The following SLC22A24 variants were observed in gnomAD, a reference collection of about 807,000 sequenced individuals.
SLC22A24 encodes the protein steroid transmembrane transporter SLC22A24.
SLC22A24 carries 53 observed loss-of-function variants against 49.8 expected under a neutral mutation model. The observed-to-expected ratio is 1.06, with a 90% CI of 0.85 to 1.34. The LOEUF (loss-of-function observed/expected upper bound fraction) is 1.34. Among genes scored for constraint, SLC22A24 ranks in the 40% most tolerant of loss-of-function variants. The pLI is 0.00. For synonymous variants in SLC22A24, 302 were observed against 256.4 expected, an observed-to-expected ratio of 1.18 and a Z score of -1.70; for missense variants, 786 against 675.9, an observed-to-expected ratio of 1.16 and a Z score of -1.81.
At chr11:63,133,333 A>C (rs1374567821) in intron 2 of SLC22A24, among the ~76,000 whole-genome samples, 2 of 152,210 alleles carry the variant, frequency 1.3e-5, no homozygotes, top group African/African-American at 4.8e-5. Context: ...CTGTCCAACC[A>C]GTCCCAATGA....
At chr11:63,126,176 T>A (rs2087289277) in intron 2 of SLC22A24, among the ~76,000 whole-genome samples, 1 of 152,228 alleles carries the variant, frequency 6.6e-6, no homozygotes, top group South Asian at 2.1e-4. Flanking sequence ...AGATCCCATT[T>A]GTCTATTTTG....
At chr11:63,088,996 C>T (rs1267217955) in intron 6 of SLC22A24, among the ~76,000 whole-genome samples, 1 of 152,144 alleles carries the variant, frequency 6.6e-6, no homozygotes, top group Non-Finnish European at 1.5e-5. Flanking sequence ...CTGGAAAACA[C>T]ACTTCAGGAT....
intron 8 of SLC22A24, 48 bp downstream of exon 8, chr11:63,081,510 A>G: frequency 7.7e-7 from 1 of 1,296,260 alleles, no homozygotes; most frequent in African/African-American, 1.5e-5. Flanking sequence ...AATATCAATA[A>G]ATTCAGAAAT....
At chr11:63,116,950 T>C (rs760280515) in intron 4 of SLC22A24, among the ~76,000 whole-genome samples, 10 of 135,632 alleles carry the variant, frequency 7.4e-5, no homozygotes, top group Non-Finnish European at 1.4e-4. Flanking sequence ...TCAATGATGT[T>C]TTCTATTTGG....
intron 4 of SLC22A24, among the ~76,000 whole-genome samples, chr11:63,114,085 A>C (rs1433206881): frequency 6.6e-6 from 1 of 151,848 alleles, no homozygotes; most frequent in African/African-American, 2.4e-5. Context: ...TGTTCTCTGT[A>C]TTTCCTGAAT....
At chr11:63,119,902 G>T (rs185104276) in intron 2 of SLC22A24, among the ~76,000 whole-genome samples, 1 of 151,944 alleles carries the variant, frequency 6.6e-6, no homozygotes, top group Non-Finnish European at 1.5e-5. Context: ...TGTGTTTTTT[G>T]GCTGCATAAA....
intron 2 of SLC22A24, 49 bp from the exon 3 acceptor site, chr11:63,119,384 G>A (rs866744042): frequency 4.1e-6 from 6 of 1,451,406 alleles, no homozygotes; most frequent in Middle Eastern, 1.8e-4. Flanking sequence ...AAAATAACAC[G>A]TGGAAAACTT....
intron 6 of SLC22A24, among the ~76,000 whole-genome samples, chr11:63,089,961 G>A (rs922528339): frequency 8.0e-5 from 12 of 150,626 alleles, no homozygotes; most frequent in African/African-American, 2.7e-4. Context: ...GGCGCCTGTC[G>A]TCCCAGCTAC....
At position 63,143,596 on chromosome 11, in the gene SLC22A24, T is replaced by C; in HGVS notation, c.184A>G (p.Asn62Asp). The C allele has an allele frequency of 6.3e-7, 1 of 1,575,000 alleles. No individual in the cohort carries two copies. The highest frequency in any genetic ancestry group is 8.6e-7 in the Non-Finnish European group (1 of 1,161,854). Residue 62 changes from asparagine to aspartate, a missense_variant, in exon 1 of 10, where the codon AAT (asparagine) becomes GAT (aspartate). Physicochemically the swap from Asn to Asp is conservative, Grantham distance 23 (BLOSUM62 1). Coordinates refer to ENST00000612278, the MANE Select transcript of SLC22A24 (RefSeq NM_001136506.2). ...PLLDNDTVSD[N>D]DTGTLSKDDL... The stretch of plus-strand genomic sequence containing the variant: ...TCCTTGCTGAGGGTCCCGGTATCAT[T>C]GTCAGACACAGTGTCATTGTCCAGG...
At chr11:63,134,105 T>C (rs576597597) in intron 2 of SLC22A24, among the ~76,000 whole-genome samples, 32 of 152,232 alleles carry the variant, frequency 2.1e-4, no homozygotes, top group Non-Finnish European at 4.6e-4. Context: ...GTGCAATGTC[T>C]TCCTATCCTG....
chr11:63,110,973 T>C (rs2087159064), intron 4 of SLC22A24, among the ~76,000 whole-genome samples: 1 of 152,086 alleles, frequency 6.6e-6, no homozygotes, highest in Non-Finnish European at 1.5e-5. Flanking sequence ...CAGTATGATA[T>C]TGGCTGTGGG....
In SLC22A24 at chr11:63,099,371, A is replaced by ATTTTTTTTTTTTTTTTTTTTTTTTTTTTT. The variant is rs56708217; in HGVS notation, c.955-3294_955-3266dup. Among the ~76,000 whole-genome samples the ATTTTTTTTTTTTTTTTTTTTTTTTTTTTT allele has an allele frequency of 9.6e-5, 5 of 52,336 alleles. 2 individuals carry two copies. The highest frequency in any genetic ancestry group is 1.5e-4 in the African/African-American group (2 of 13,518). 34.3% of individuals were successfully genotyped at this position (52,336 alleles called of 152,430 possible). ...CCACCACACCTGGCTAATTTTTAAG[A>ATTTTTTTTTTTTTTTTTTTTTTTTTTTTT]TTTTTTTTTTTTTTTTTTTTTTTTT... On this transcript the variant is annotated intron_variant, in intron 5 of 9. Coordinates refer to ENST00000612278, the MANE Select transcript of SLC22A24 (RefSeq NM_001136506.2).
chr11:63,118,689 T>C, intron 4 of SLC22A24: 1 of 536,274 alleles, frequency 1.9e-6, no homozygotes. Flanking sequence ...AAAAATAATT[T>C]CATGATAATT....
At chr11:63,139,219 G>A (rs893856287) in intron 1 of SLC22A24, among the ~76,000 whole-genome samples, 2 of 151,842 alleles carry the variant, frequency 1.3e-5, no homozygotes, top group African/African-American at 2.4e-5. Flanking sequence ...CACACGAGGG[G>A]CCCTAAGATA....
intron 9 of SLC22A24, among the ~76,000 whole-genome samples, chr11:63,080,709 T>C (rs551728297): frequency 6.6e-6 from 1 of 152,300 alleles, no homozygotes; most frequent in East Asian, 1.9e-4. Context: ...TGTGAAATGG[T>C]CTGTGTGACA....
In SLC22A24 at chr11:63,133,060, C is replaced by A. The variant is rs554526691; in HGVS notation, c.506+1605G>T. On this transcript the variant is annotated intron_variant, in intron 2 of 9. Coordinates refer to ENST00000612278, the MANE Select transcript of SLC22A24 (RefSeq NM_001136506.2). ...CCTGTCAAGCTGCAGTATCGCAGGT[C>A]GATCTCAGACTGGTGCACTAGCAGT... Among the ~76,000 whole-genome samples, 4 of 152,252 alleles carry A rather than the reference C, an allele frequency of 2.6e-5. No individual in the cohort carries two copies. In the East Asian group the frequency reaches 5.8e-4, roughly 22 times the overall value.
intron 4 of SLC22A24, among the ~76,000 whole-genome samples, chr11:63,106,830 C>T (rs929756230): frequency 1.3e-5 from 2 of 152,090 alleles, no homozygotes; most frequent in Non-Finnish European, 2.9e-5. Context: ...TGGATATTAG[C>T]CCTTTGTCAG....
chr11:63,105,918 A>C (rs564811391), intron 4 of SLC22A24, among the ~76,000 whole-genome samples: 1 of 138,974 alleles, frequency 7.2e-6, no homozygotes, highest in Non-Finnish European at 1.6e-5. Context: ...TTAAAACTGA[A>C]TTTTTTTCTT....
intron 2 of SLC22A24, among the ~76,000 whole-genome samples, chr11:63,127,908 T>C (rs2087303732): frequency 6.6e-6 from 1 of 152,110 alleles, no homozygotes; most frequent in African/African-American, 2.4e-5. Context: ...TCTCCCATTC[T>C]GTAGGTTGCC....
Sources: allele counts gnomAD v4.1 joint callset (sites outside exome capture counted in the v4.1 genomes callset), GRCh38; gene constraint gnomAD v4.1.1; transcripts MANE v1.5; gene names NCBI Gene and HGNC (gene_info 2026-07-23, HGNC 2026-07-21).